Variants in KDR observed in about 807,000 individuals in gnomAD.
KDR encodes the protein kinase insert domain receptor.
In KDR, 43 loss-of-function variants were observed where a neutral mutation model predicts 160.9. That is an observed-to-expected ratio of 0.27 (90% CI 0.21 to 0.34). KDR has a LOEUF of 0.34. Among genes scored for constraint, KDR ranks in the 10% least tolerant of loss-of-function variants. The probability of loss-of-function intolerance (pLI) is 1.00; values close to 1 mark genes in which losing one functional copy is unlikely to be tolerated. For synonymous variants in KDR, 617 were observed against 600.1 expected (o/e 1.03, Z -0.41); for missense variants, 1,469 against 1,666.4 (o/e 0.88, Z 2.06).
chr4:55,121,273 T>C, intron 1 of KDR, 83 bp from the exon 2 acceptor site: 1 of 944,030 alleles, frequency 1.1e-6, no homozygotes, highest in East Asian at 2.4e-5. Flanking sequence ...ATGCATACTC[T>C]ATACTTTAAA....
rs150116423 is a variant in KDR, at chr4:55,082,547, C to A, written c.3751G>T (p.Val1251Leu). The part of the protein sequence containing the change: ...DIPLEEPEVK[V>L]IPDDNQTDSG... Reference sequence around the variant, plus strand: ...AAAGACGTACTTACATCTGGGATTACTTTTACTTCTGGTTCTTCTAACGGG... The same window carrying A: ...AAAGACGTACTTACATCTGGGATTAATTTTACTTCTGGTTCTTCTAACGGG... Residue 1251 changes from valine (V) to leucine (L), a missense_variant, in exon 28 of 30, where the codon GTA becomes TTA. Val to Leu is a conservative substitution (Grantham distance 32, BLOSUM62 1). This residue lies in a region of KDR where 229 missense variants were observed against 197.8 expected (regional missense o/e 1.16). Transcript: ENST00000263923. 41 of 1,609,492 alleles carry A rather than the reference C, an allele frequency of 2.5e-5. No individual in the cohort carries two copies. The African/African-American group carries it at 5.1e-4, about 20-fold the overall frequency.
At position 55,124,453 on chromosome 4, in the gene KDR, C is replaced by T. The variant is rs144855478; in HGVS notation, c.67+774G>A. Among the ~76,000 whole-genome samples the T allele has an allele frequency of 3.9e-5, 6 of 152,218 alleles. No individual in the cohort carries two copies. In the East Asian group the frequency reaches 1.2e-3, roughly 29 times the overall value. On this transcript the variant is annotated intron_variant, in intron 1 of 29. Transcript: ENST00000263923. ...AAGGAATGGCACTAAAGCTAGGTAC[C>T]AAGGCCCACAGGAAAGGTTTTCGGA...
At chr4:55,122,318 A>C (rs1187404388) in intron 1 of KDR, among the ~76,000 whole-genome samples, 2 of 152,180 alleles carry the variant, frequency 1.3e-5, no homozygotes, top group Non-Finnish European at 2.9e-5. Flanking sequence ...GTCTTAATAA[A>C]TATCAAGACC....
intron 13 of KDR, 97 bp from the exon 14 acceptor site, chr4:55,102,605 A>C: frequency 7.4e-7 from 1 of 1,343,216 alleles, no homozygotes; most frequent in Non-Finnish European, 1.1e-6. Flanking sequence ...TTTAGTAAAA[A>C]GGAACTTGTT....
chr4:55,089,645 C>T (rs1719957525), intron 24 of KDR, 46 bp downstream of exon 24: 1 of 1,547,302 alleles, frequency 6.5e-7, no homozygotes, highest in South Asian at 1.1e-5. Flanking sequence ...CAACTTTTGT[C>T]TTCCTCTTTG....
chr4:55,095,524 G>T (rs984297851), intron 20 of KDR, 53 bp downstream of exon 20: 5 of 1,313,352 alleles, frequency 3.8e-6, no homozygotes, highest in Middle Eastern at 1.8e-4. Context: ...GTACCATTTT[G>T]AGTTTCCCTT....
chr4:55,085,298 T>C (rs1719834515), intron 27 of KDR, among the ~76,000 whole-genome samples: 1 of 152,148 alleles, frequency 6.6e-6, no homozygotes, highest in African/African-American at 2.4e-5. Context: ...TTCTCAGCCT[T>C]TTCTCTAAAT....
intron 10 of KDR, among the ~76,000 whole-genome samples, 183 bp from the exon 11 acceptor site, chr4:55,106,993 G>C (rs1720460959): frequency 6.6e-6 from 1 of 152,196 alleles, no homozygotes; most frequent in African/African-American, 2.4e-5. Flanking sequence ...AAAGGTTCTA[G>C]GTAGATTCAT....
chr4:55,095,882 A>C, intron 19 of KDR, among the ~76,000 whole-genome samples: 1 of 152,242 alleles, frequency 6.6e-6, no homozygotes, highest in South Asian at 2.1e-4. Context: ...TCAGAAGAAA[A>C]CCCACCCATC....
chr4:55,114,294 C>G, intron 5 of KDR, 29 bp from the exon 6 acceptor site: 2 of 1,608,376 alleles, frequency 1.2e-6, no homozygotes. Flanking sequence ...AAAAACAGAA[C>G]ATGAGAGAGC....
At position 55,105,003 on chromosome 4, in the gene KDR, A is replaced by T; in HGVS notation, c.1646-19T>A. On this transcript the variant is annotated intron_variant, in intron 12 of 29. Coordinates refer to ENST00000263923, the MANE Select transcript of KDR (RefSeq NM_002253.4). ...GGACCCCCTAAAATGAAGAGGCCATAGTTATTGAATGGTGATTTAACTTGG... is the reference window on the plus strand; with the variant it reads ...GGACCCCCTAAAATGAAGAGGCCATTGTTATTGAATGGTGATTTAACTTGG... 6.3e-7 allele frequency: 1 copy of T among 1,597,212 alleles called. No individual in the cohort carries two copies. The highest frequency in any genetic ancestry group is 8.6e-7 in the Non-Finnish European group (1 of 1,166,370).
chr4:55,082,090 A>G (rs2110005416), intron 28 of KDR, 49 bp from the exon 29 acceptor site: 1 of 1,239,892 alleles, frequency 8.1e-7, no homozygotes, highest in Non-Finnish European at 1.2e-6. Context: ...ATATAAAATG[A>G]CCAACTATTT....
At chr4:55,094,751 G>A (rs190464969) in intron 21 of KDR, 51 bp downstream of exon 21, 19 of 1,552,464 alleles carry the variant, frequency 1.2e-5, no homozygotes, top group African/African-American at 1.2e-4. Context: ...CTATCACCCT[G>A]TCTGCTCTGA....
intron 2 of KDR, among the ~76,000 whole-genome samples, 156 bp downstream of exon 2, chr4:55,120,941 C>A (rs1291078986): frequency 6.6e-6 from 1 of 151,924 alleles, no homozygotes; most frequent in East Asian, 1.9e-4. Context: ...GAAAATTCTT[C>A]TCATTTTCCA....
chr4:55,091,439 C>T (rs1183496308), intron 22 of KDR, among the ~76,000 whole-genome samples: 1 of 152,220 alleles, frequency 6.6e-6, no homozygotes, highest in Non-Finnish European at 1.5e-5. Flanking sequence ...TTTCCATTCT[C>T]TTCCTAGTCC....
chr4:55,101,807 G>C, intron 15 of KDR, 90 bp downstream of exon 15: 2 of 1,128,150 alleles, frequency 1.8e-6, no homozygotes, highest in Non-Finnish European at 2.6e-6. Context: ...CTCCATCCAT[G>C]CAGCTGCAAA....
chr4:55,089,039 T>TAA (rs1719940918), intron 25 of KDR, 66 bp from the exon 26 acceptor site: 1 of 1,130,166 alleles, frequency 8.8e-7, no homozygotes, highest in East Asian at 2.4e-5. Flanking sequence ...AATAAGCACT[T>TAA]AAATGAGTAC....
Position 55,107,177 on chromosome 4 carries a change from A to G in KDR, c.1413-367T>C, listed in dbSNP as rs545635996. ...GGTCTCTGTGAAGGAAATGATCAGC[A>G]GCTGAGGAAGAAGCTCATAGTGGCC... On this transcript the variant is annotated intron_variant, in intron 10 of 29. Coordinates refer to ENST00000263923, the MANE Select transcript of KDR (RefSeq NM_002253.4). Among the ~76,000 whole-genome samples the G allele has an allele frequency of 3.3e-5, 5 of 152,340 alleles. No homozygotes were observed. In the South Asian group the frequency reaches 1.0e-3, roughly 32 times the overall value.
chr4:55,096,827 G>A (rs371127710), intron 18 of KDR: 32 of 199,628 alleles, frequency 1.6e-4, no homozygotes, highest in African/African-American at 7.0e-4. Flanking sequence ...AGACCAGTTG[G>A]CACATGAGGC....
Sources: gnomAD v4.1 joint callset for allele counts (sites outside exome capture counted in the v4.1 genomes callset) on GRCh38, gnomAD v4.1.1 for gene constraint, gnomAD v4.1.1 regional missense constraint, MANE v1.5 for transcripts, NCBI Gene and HGNC (gene_info 2026-07-23, HGNC 2026-07-21) for gene names.